The following CHD6 variants were observed in gnomAD, a reference collection of about 807,000 sequenced individuals.
CHD6 encodes chromodomain helicase DNA binding protein 6, also known as ATP-dependent chromatin remodeler CHD6.
CHD6 carries 50 observed loss-of-function variants against 276.9 expected under a neutral mutation model. That is an observed-to-expected ratio of 0.18 (90% confidence interval 0.14 to 0.23). CHD6 has a LOEUF of 0.23. Among genes scored for constraint, CHD6 ranks in the 10% least tolerant of loss-of-function variants. The probability of loss-of-function intolerance (pLI) is 1.00; values close to 1 mark genes in which losing one functional copy is unlikely to be tolerated. For missense variants in CHD6, 2,564 were observed against 3,365.8 expected, an observed-to-expected ratio of 0.76 and a Z score of 5.89; for synonymous variants, 1,173 against 1,229.3, an observed-to-expected ratio of 0.95 and a Z score of 0.96.
chr20:41,409,161 C>T (rs561286708), intron 36 of CHD6, among the ~76,000 whole-genome samples: 2 of 152,304 alleles, frequency 1.3e-5, no homozygotes, highest in Non-Finnish European at 1.5e-5. Flanking sequence ...AGCAAGAGCG[C>T]TGGCAAAGGA....
rs1254471065 is a variant in CHD6, at chr20:41,513,311, TCTC to T, written c.703-319_703-317del. Among the ~76,000 whole-genome samples, 9 of 152,246 alleles carry T rather than the reference TCTC, an allele frequency of 5.9e-5. No individual in the cohort carries two copies. The Middle Eastern group carries it at 0.014, about 230-fold the overall frequency. Reference sequence around the variant, plus strand: ...GACTTTCCCCCTTTCAGAATCCACTTCTCCTCCAATAAAACAAGGATGGGAGCT... The same window carrying T: ...GACTTTCCCCCTTTCAGAATCCACTTCTCCAATAAAACAAGGATGGGAGCT... On this transcript the variant is annotated intron_variant, in intron 4 of 36. Transcript: ENST00000373233.
intron 20 of CHD6, 67 bp from the exon 21 acceptor site, chr20:41,453,009 G>A (rs2048284848): frequency 1.6e-6 from 2 of 1,270,198 alleles, no homozygotes; most frequent in South Asian, 2.4e-5. Context: ...AAGCATAAGT[G>A]TATCCTCAGG....
intron 1 of CHD6, among the ~76,000 whole-genome samples, chr20:41,610,707 G>C (rs959459350): frequency 1.3e-5 from 2 of 152,090 alleles, no homozygotes; most frequent in Non-Finnish European, 2.9e-5. Context: ...GCAGTGAGCT[G>C]AGATCGCGCC....
intron 26 of CHD6, 42 bp from the exon 27 acceptor site, chr20:41,437,376 C>T (rs1296750535): frequency 7.7e-6 from 11 of 1,426,110 alleles, no homozygotes; most frequent in Non-Finnish European, 1.1e-5. Context: ...TACCTAGGTC[C>T]CCCTTATCCA....
chr20:41,415,600 T>C lies in CHD6; in HGVS notation c.6525A>G (p.Gln2175=), dbSNP rs201271909. Residue 2175 remains glutamine, a synonymous_variant, in exon 34 of 37, where the codon CAA becomes CAG. Coordinates refer to ENST00000373233, the MANE Select transcript of CHD6 (RefSeq NM_032221.5). The stretch of plus-strand genomic sequence containing the variant: ...CAAACTCATAGGGACGCCTGTGCTT[T>C]TGTTCATCCTTTGTGAATACTGGAG... ...FLAPVFTKDE[Q]KHRRPYEFEV... is the part of the protein sequence containing the mutation. 400 of 1,608,702 alleles carry C rather than the reference T, an allele frequency of 2.5e-4. No individual in the cohort carries two copies. The highest frequency in any genetic ancestry group is 3.3e-4 in the Middle Eastern group (2 of 6,030).
intron 25 of CHD6, 54 bp from the exon 26 acceptor site, chr20:41,440,183 G>A: frequency 6.4e-7 from 1 of 1,551,634 alleles, no homozygotes; most frequent in Middle Eastern, 1.7e-4. Flanking sequence ...CACAATATTT[G>A]CTTTGGGCAC....
intron 1 of CHD6, among the ~76,000 whole-genome samples, chr20:41,595,012 T>TA (rs1273716968): frequency 2.0e-5 from 3 of 152,210 alleles, no homozygotes; most frequent in Non-Finnish European, 4.4e-5. Flanking sequence ...CACTTGTCTC[T>TA]AACAATTTGA....
rs762408739 is a variant in CHD6 at position 41,533,122 on chromosome 20, G to A, written c.482C>T (p.Ser161Leu). ...AKKARKPREA[S>L]GTKEAKEKRS... ...CTTCTCTTTGGCCTCCTTGGTGCCC[G>A]AGGCCTCCCGGGGCTTCCGTGCCTT... The change falls in exon 3 of 37, where the codon TCG (serine) becomes TTG (leucine). Residue 161 changes from serine (S) to leucine (L), a missense_variant. Physicochemically the swap from Ser to Leu is moderately radical, Grantham distance 145. Around this residue, in one of 7 missense-constraint regions of CHD6, gnomAD observed 286 missense variants for 297.8 expected, o/e 0.96. Transcript: ENST00000373233. 69 of 1,614,032 alleles carry A rather than the reference G, an allele frequency of 4.3e-5. No individual in the cohort carries two copies. The highest frequency in any genetic ancestry group is 6.7e-5 in the African/African-American group (5 of 74,932).
At chr20:41,425,538 A>G in intron 28 of CHD6, 144 bp from the exon 29 acceptor site, 1 of 830,078 alleles carries the variant, frequency 1.2e-6, no homozygotes, top group South Asian at 1.8e-5. Flanking sequence ...CCCAGGAGCA[A>G]GGCATGACTG....
intron 36 of CHD6, among the ~76,000 whole-genome samples, chr20:41,410,114 G>A (rs1177878999): frequency 1.3e-5 from 2 of 152,208 alleles, no homozygotes; most frequent in African/African-American, 4.8e-5. Context: ...TTCCTTGTGA[G>A]ATTTAAATCT....
intron 1 of CHD6, among the ~76,000 whole-genome samples, chr20:41,610,091 A>T (rs539892941): frequency 2.6e-5 from 4 of 152,162 alleles, no homozygotes; most frequent in Admixed American, 1.3e-4. Context: ...TCCTGACATC[A>T]AGTGATCTGC....
At chr20:41,511,223 C>T (rs2044110137) in intron 5 of CHD6, among the ~76,000 whole-genome samples, 1 of 152,186 alleles carries the variant, frequency 6.6e-6, no homozygotes, top group African/African-American at 2.4e-5. Context: ...CACTAGCATC[C>T]AGGAGGAACG....
rs1418922207 is a variant in CHD6, at chr20:41,426,157, G to C, written c.4069-4C>G. ...CACCTCCATCACTGGAACTCTCCTAGGGATAAATAAAGCCATCCCATCAGC... is the reference window on the plus strand; with the variant it reads ...CACCTCCATCACTGGAACTCTCCTACGGATAAATAAAGCCATCCCATCAGC... On this transcript the variant is annotated splice_polypyrimidine_tract_variant and splice_region_variant and intron_variant, in intron 27 of 36. Transcript: ENST00000373233. 1.9e-6 allele frequency: 3 copies of C among 1,610,814 alleles called. No individual in the cohort carries two copies. The highest frequency in any genetic ancestry group is 2.2e-5 in the East Asian group (1 of 44,874).
At chr20:41,617,764 C>G (rs1299695124) in intron 1 of CHD6, among the ~76,000 whole-genome samples, 1 of 151,986 alleles carries the variant, frequency 6.6e-6, no homozygotes, top group Non-Finnish European at 1.5e-5. Flanking sequence ...CGATCCGAGG[C>G]CGCGCAGGGG....
chr20:41,413,060 A>G (rs2145408134), intron 35 of CHD6, among the ~76,000 whole-genome samples: 1 of 152,368 alleles, frequency 6.6e-6, no homozygotes, highest in South Asian at 2.1e-4. Flanking sequence ...TTGTGGGGAC[A>G]GCGGATAAGT....
At chr20:41,529,656 A>C (rs2044632322) in intron 3 of CHD6, among the ~76,000 whole-genome samples, 1 of 152,172 alleles carries the variant, frequency 6.6e-6, no homozygotes, top group South Asian at 2.1e-4. Flanking sequence ...AGCAATCCAA[A>C]GGAGAAGTGG....
chr20:41,598,908 C>T (rs1449780363), intron 1 of CHD6, among the ~76,000 whole-genome samples: 4 of 152,104 alleles, frequency 2.6e-5, no homozygotes, highest in African/African-American at 4.8e-5. Flanking sequence ...CCTGGCATTT[C>T]GTCGACTAAG....
At chr20:41,424,768 G>A (rs6072366) in intron 29 of CHD6, among the ~76,000 whole-genome samples, 4 of 152,056 alleles carry the variant, frequency 2.6e-5, no homozygotes, top group African/African-American at 9.7e-5. Flanking sequence ...TGTATTTTAC[G>A]GTATTTATTG....
chr20:41,598,436 C>T lies in CHD6; in HGVS notation c.-24+19904G>A, dbSNP rs559287695. Among the ~76,000 whole-genome samples the T allele has an allele frequency of 3.9e-5, 6 of 152,216 alleles. No individual in the cohort carries two copies. The South Asian group carries it at 6.2e-4, about 16-fold the overall frequency. ...CCTGGCTAGCACGGATTAAATATTC[C>T]GTCCGCAAACTAAACAAAAGCGACT... On this transcript the variant is annotated intron_variant, in intron 1 of 36. Coordinates refer to ENST00000373233, the MANE Select transcript of CHD6 (RefSeq NM_032221.5).
Sources: allele counts gnomAD v4.1 joint callset (sites outside exome capture counted in the v4.1 genomes callset), GRCh38; gene constraint gnomAD v4.1.1; regional missense constraint gnomAD v4.1.1; transcripts MANE v1.5; gene names NCBI Gene and HGNC (gene_info 2026-07-23, HGNC 2026-07-21).